NUP214: variants seen among roughly 807,000 people sequenced by gnomAD.
NUP214 encodes nuclear pore complex protein Nup214.
A neutral mutation model predicts 196.2 loss-of-function variants in NUP214; 79 were observed. That is an observed-to-expected ratio of 0.40 (90% CI 0.34 to 0.49). The LOEUF is 0.49. Among genes scored for constraint, NUP214 ranks in the 20% least tolerant of loss-of-function variants. The pLI is 0.58. For synonymous variants in NUP214, 1,020 were observed against 990.5 expected, an observed-to-expected ratio of 1.03 and a Z score of -0.56; for missense variants, 2,468 against 2,539.0, an observed-to-expected ratio of 0.97 and a Z score of 0.60.
At chr9:131,129,187 C>G (rs931063199) in intron 3 of NUP214, 92 bp from the exon 4 acceptor site, 2 of 1,032,890 alleles carry the variant, frequency 1.9e-6, no homozygotes, top group East Asian at 4.9e-5. Flanking sequence ...ATTTGAGATA[C>G]CTTGTGTATT....
chr9:131,194,211 A>AAG (rs1256202481), intron 27 of NUP214: 1 of 150,256 alleles, frequency 6.7e-6, no homozygotes, highest in Non-Finnish European at 1.5e-5. Context: ...GTCTCAAAAA[A>AAG]AAAAAAAGGT....
chr9:131,142,599 T>C (rs1449013664), intron 11 of NUP214, among the ~76,000 whole-genome samples: 1 of 152,254 alleles, frequency 6.6e-6, no homozygotes, highest in Admixed American at 6.5e-5. Context: ...TTGATTTATT[T>C]AGGGTCTGGT....
At position 131,146,259 on chromosome 9, in the gene NUP214, C is replaced by T. The variant is rs756802066; in HGVS notation, c.1900C>T (p.Pro634Ser). Residue 634 changes from proline (P) to serine (S), a missense_variant, in exon 13 of 36, where the codon CCT becomes TCT. By Grantham distance (74) the Pro-to-Ser change is moderately conservative. Coordinates refer to ENST00000359428, the MANE Select transcript of NUP214 (RefSeq NM_005085.4). This position sits in a 1 kb window ranked among gnomAD's most constrained non-coding sequence, Gnocchi z 4.6. ...CCACCCCACACCTCTCTCAGCACCA[C>T]CTAGTTCCGTGCCATTGAAGTCCTC... ...LSHPTPLSAPPSSVPLKSSVL... is the reference protein window; with the variant it reads ...LSHPTPLSAPSSSVPLKSSVL... The T allele has an allele frequency of 3.0e-5, 49 of 1,614,078 alleles. No individual in the cohort carries two copies. The highest frequency in any genetic ancestry group is 4.1e-5 in the Non-Finnish European group (48 of 1,180,040).
At chr9:131,233,349 TA>T in intron 35 of NUP214, 104 bp from the exon 36 acceptor site, 2 of 1,185,622 alleles carry the variant, frequency 1.7e-6, no homozygotes, top group Non-Finnish European at 1.2e-6. Context: ...AAAATAATAA[TA>T]AAAAATCTGA....
intron 28 of NUP214, 73 bp from the exon 29 acceptor site, chr9:131,197,143 C>T: frequency 1.3e-6 from 2 of 1,558,686 alleles, no homozygotes; most frequent in Non-Finnish European, 1.7e-6. Context: ...GGCTTAGAAA[C>T]ACAATCAGTG....
chr9:131,230,725 G>T lies in NUP214; in HGVS notation c.6170G>T (p.Gly2057Val), dbSNP rs1453325027. The change falls in exon 34 of 36, where the codon GGG (glycine) becomes GTG (valine). Residue 2057 changes from glycine to valine, a missense_variant. This residue lies in a region of NUP214 where 262 missense variants were observed against 296.5 expected (regional missense o/e 0.88). Coordinates refer to ENST00000359428, the MANE Select transcript of NUP214 (RefSeq NM_005085.4). ...GSLSQQTSGFGTQSSGFSGFG... is the reference protein window; with the variant it reads ...GSLSQQTSGFVTQSSGFSGFG... ...CTGTCCCAACAGACTTCTGGTTTTG[G>T]GACCCAGAGTAGCGGATTCTCTGGT... is the stretch of plus-strand genomic sequence containing the variant. 3 of 1,614,134 alleles carry T rather than the reference G, an allele frequency of 1.9e-6. No homozygotes were observed. The East Asian group carries it at 6.7e-5, about 36-fold the overall frequency.
chr9:131,175,340 C>A, intron 22 of NUP214, 120 bp from the exon 23 acceptor site: 1 of 1,176,844 alleles, frequency 8.5e-7, no homozygotes, highest in Non-Finnish European at 1.2e-6. Context: ...TGGTACTTTT[C>A]TATGTTAACG....
At chr9:131,225,049 G>A (rs1232804719) in intron 32 of NUP214, among the ~76,000 whole-genome samples, 1 of 152,058 alleles carries the variant, frequency 6.6e-6, no homozygotes, top group Non-Finnish European at 1.5e-5. Context: ...GATCACTTGA[G>A]CCCAAAAGTT....
At chr9:131,139,701 C>G (rs908289650) in intron 10 of NUP214, among the ~76,000 whole-genome samples, 4 of 152,164 alleles carry the variant, frequency 2.6e-5, no homozygotes, top group Admixed American at 2.6e-4. Context: ...TATAGAACAT[C>G]AGGATTTTAT....
intron 18 of NUP214, among the ~76,000 whole-genome samples, chr9:131,161,527 G>A (rs1016896570): frequency 6.6e-6 from 1 of 152,140 alleles, no homozygotes; most frequent in Non-Finnish European, 1.5e-5. Context: ...AGAGTGCTGG[G>A]ATTACAGGCG....
chr9:131,230,662 G>T lies in NUP214; in HGVS notation c.6107G>T (p.Gly2036Val). Reference protein sequence around the residue: ...FGSSSNTTSFGTLASQNAPTF... With the variant: ...FGSSSNTTSFVTLASQNAPTF... ...AGCAGCAGCAACACCACATCCTTCG[G>T]CACGCTCGCGAGTCAGAATGCCCCC... Residue 2036 changes from glycine to valine, a missense_variant, in exon 34 of 36, where the codon GGC becomes GTC. Around this residue, in one of 5 missense-constraint regions of NUP214, gnomAD observed 262 missense variants for 296.5 expected, o/e 0.88. Transcript: ENST00000359428. 1 of 1,614,076 alleles carries T rather than the reference G, an allele frequency of 6.2e-7. No individual in the cohort carries two copies. The highest frequency in any genetic ancestry group is 8.5e-7 in the Non-Finnish European group (1 of 1,179,996).
intron 30 of NUP214, among the ~76,000 whole-genome samples, chr9:131,214,971 C>T (rs1308301968): frequency 6.6e-6 from 1 of 152,144 alleles, no homozygotes; most frequent in Non-Finnish European, 1.5e-5. Context: ...TAAAAGTTCC[C>T]ACCTACCATA....
intron 32 of NUP214, among the ~76,000 whole-genome samples, chr9:131,227,679 A>G (rs369838055): frequency 3.9e-5 from 6 of 152,182 alleles, no homozygotes; most frequent in African/African-American, 7.2e-5. Context: ...TTGGGTTTCT[A>G]TGAAGCTGGA....
intron 27 of NUP214, chr9:131,193,981 G>T (rs1255790643): frequency 1.3e-5 from 2 of 151,042 alleles, no homozygotes; most frequent in East Asian, 3.9e-4. Context: ...ACCCAGAAAA[G>T]GTGGGGTCAT....
intron 18 of NUP214, among the ~76,000 whole-genome samples, chr9:131,159,753 A>G (rs192565838): frequency 1.4e-4 from 22 of 152,186 alleles, no homozygotes; most frequent in Admixed American, 1.4e-3. Flanking sequence ...GCTACTATGG[A>G]GGCTGAGGCA....
At chr9:131,187,248 G>A (rs756523220) in intron 24 of NUP214, 41 bp from the exon 25 acceptor site, 2 of 1,555,666 alleles carry the variant, frequency 1.3e-6, no homozygotes, top group Non-Finnish European at 1.8e-6. Context: ...TTTTTACCTA[G>A]TCATGCCTTT....
chr9:131,184,601 G>T (rs897488883), intron 24 of NUP214, among the ~76,000 whole-genome samples: 17 of 152,162 alleles, frequency 1.1e-4, no homozygotes, highest in African/African-American at 4.1e-4. Context: ...CTCCCAAAGT[G>T]CTGGGATTAC....
In NUP214 at chr9:131,133,312, T is replaced by TTTG. The variant is rs1554728487; in HGVS notation, c.831+105_831+106insGTT. 69 of 664,254 alleles carry TTTG rather than the reference T, an allele frequency of 1.0e-4. No homozygotes were observed. In the East Asian group the frequency reaches 2.2e-3, roughly 21 times the overall value. 41.1% of individuals were successfully genotyped at this position (664,254 alleles called of 1,614,324 possible). On this transcript the variant is annotated intron_variant, in intron 7 of 35. Coordinates refer to ENST00000359428, the MANE Select transcript of NUP214 (RefSeq NM_005085.4). ...GGTTTTTTTGTGTTTGTGTTTTTTT[T>TTTG]TTTTTTTTTTGAGACAAGATCTCAC...
intron 12 of NUP214, among the ~76,000 whole-genome samples, chr9:131,145,871 A>G (rs1176861723): frequency 6.6e-6 from 1 of 152,212 alleles, no homozygotes; most frequent in Non-Finnish European, 1.5e-5. Flanking sequence ...GGTATTTCAT[A>G]TTGTGATAAA....
Sources: gnomAD v4.1 joint callset for allele counts (sites outside exome capture counted in the v4.1 genomes callset) on GRCh38, gnomAD v4.1.1 for gene constraint, gnomAD v4.1.1 regional missense constraint, Gnocchi (gnomAD v3.1) non-coding constraint, MANE v1.5 for transcripts, NCBI Gene and HGNC (gene_info 2026-07-23, HGNC 2026-07-21) for gene names.